Variants in ZFAND3 observed in about 807,000 individuals in gnomAD.
The protein encoded by ZFAND3 is zinc finger AN1-type containing 3, also known as AN1-type zinc finger protein 3.
ZFAND3 carries 10 observed loss-of-function variants against 29.6 expected under a neutral mutation model. The ratio of observed to expected loss-of-function variants is 0.34; its 90% CI spans 0.21 to 0.57. The LOEUF is 0.57. Ranked by LOEUF, ZFAND3 falls within the 20% of genes least tolerant of loss-of-function variation. The pLI, the probability that ZFAND3 is intolerant of heterozygous loss-of-function variation, is 0.86. For synonymous variants in ZFAND3, 128 were observed against 112.6 expected (o/e 1.14, Z -0.87); for missense variants, 230 against 304.5 (o/e 0.76, Z 1.82).
intron 5 of ZFAND3, among the ~76,000 whole-genome samples, chr6:38,137,105 T>C (rs759896353): frequency 3.3e-5 from 5 of 152,250 alleles, no homozygotes; most frequent in Non-Finnish European, 7.3e-5. Context: ...TTTGTAATTA[T>C]GAGCAACAGC....
chr6:38,122,206 A>G (rs1362317691), intron 5 of ZFAND3, among the ~76,000 whole-genome samples: 4 of 152,178 alleles, frequency 2.6e-5, no homozygotes, highest in Non-Finnish European at 5.9e-5. Flanking sequence ...AAGGATGCCT[A>G]AGTCCCTGAT....
intron 1 of ZFAND3, among the ~76,000 whole-genome samples, chr6:37,883,616 C>A (rs1764936667): frequency 7.0e-6 from 1 of 143,324 alleles, no homozygotes; most frequent in Admixed American, 6.7e-5. Flanking sequence ...AATCTTGGCT[C>A]ACTGCAACCT....
chr6:38,012,648 A>G (rs1020300734), intron 2 of ZFAND3, among the ~76,000 whole-genome samples: 3 of 152,186 alleles, frequency 2.0e-5, no homozygotes, highest in African/African-American at 7.2e-5. Flanking sequence ...AAGTGCTGCA[A>G]TTACAGGTGT....
chr6:38,116,392 A>T (rs1765418002), intron 4 of ZFAND3, among the ~76,000 whole-genome samples, 180 bp from the exon 5 acceptor site: 1 of 152,230 alleles, frequency 6.6e-6, no homozygotes, highest in Non-Finnish European at 1.5e-5. Flanking sequence ...TCAGCACTAA[A>T]GGTACACGTT....
chr6:38,070,951 T>C (rs919625177), intron 3 of ZFAND3, among the ~76,000 whole-genome samples: 5 of 151,942 alleles, frequency 3.3e-5, no homozygotes, highest in Non-Finnish European at 5.9e-5. Flanking sequence ...TTCAGCATTG[T>C]TTTATGTGTT....
intron 5 of ZFAND3, among the ~76,000 whole-genome samples, chr6:38,146,499 C>T (rs1391011077): frequency 2.0e-5 from 3 of 152,200 alleles, no homozygotes; most frequent in Non-Finnish European, 4.4e-5. Flanking sequence ...AGCAAAGGGA[C>T]GCCCACACAA....
intron 4 of ZFAND3, among the ~76,000 whole-genome samples, chr6:38,101,042 T>C (rs933700683): frequency 3.9e-5 from 6 of 152,226 alleles, no homozygotes; most frequent in Admixed American, 1.3e-4. Context: ...ATATAACATA[T>C]AGTTGAGTTT....
rs114799662 is a variant in ZFAND3, at chr6:38,089,664, C to T, written c.361+7207C>T. ...GGTGTTGGTATTAAATCAGAAGTGG[C>T]CCCGTAAATCTTGGTAATACCTACA... On this transcript the variant is annotated intron_variant, in intron 4 of 5. Coordinates refer to ENST00000287218, the MANE Select transcript of ZFAND3 (RefSeq NM_021943.3). 5.7e-3 allele frequency among the ~76,000 whole-genome samples: 868 copies of T among 152,254 alleles called. 7 individuals are homozygous for T. Among genetic ancestry groups the T allele is most frequent in the African/African-American group, 0.02 (832 of 41,538 alleles).
At chr6:37,920,575 A>C (rs1292506709) in intron 1 of ZFAND3, among the ~76,000 whole-genome samples, 2 of 152,216 alleles carry the variant, frequency 1.3e-5, no homozygotes, top group Non-Finnish European at 2.9e-5. Context: ...ATTTGGGCAT[A>C]AAATGCTAAA....
intron 1 of ZFAND3, among the ~76,000 whole-genome samples, chr6:37,896,554 C>CTTTCTTTCTTTCTTTCTTTCT (rs1554153843): frequency 0.046 from 6,289 of 137,706 alleles, 242 homozygotes; most frequent in African/African-American, 0.085. Context: ...TTCTTTCTTT[C>CTTTCTTTCTTTCTTTCTTTCT]TTTCTTTCTT....
intron 4 of ZFAND3, among the ~76,000 whole-genome samples, chr6:38,100,132 C>T (rs1044567095): frequency 1.3e-5 from 2 of 151,964 alleles, no homozygotes; most frequent in Non-Finnish European, 2.9e-5. Flanking sequence ...GGCATGACCT[C>T]GGCTCACTGC....
intron 4 of ZFAND3, among the ~76,000 whole-genome samples, chr6:38,094,975 TG>T (rs973147360): frequency 3.3e-5 from 5 of 152,232 alleles, no homozygotes; most frequent in Non-Finnish European, 7.3e-5. Flanking sequence ...TGTAGCATTT[TG>T]GATTTCAGAT....
At chr6:38,126,782 C>A (rs1765642431) in intron 5 of ZFAND3, among the ~76,000 whole-genome samples, 3 of 151,784 alleles carry the variant, frequency 2.0e-5, no homozygotes, top group African/African-American at 2.4e-5. Context: ...TATTGTAACT[C>A]ATCAATATGA....
intron 2 of ZFAND3, among the ~76,000 whole-genome samples, chr6:38,012,143 G>A (rs1257711439): frequency 6.6e-6 from 1 of 152,092 alleles, no homozygotes; most frequent in South Asian, 2.1e-4. Context: ...TGTATGCTGT[G>A]TAATGTAAGC....
At chr6:38,041,686 TC>T (rs1763774453) in intron 2 of ZFAND3, among the ~76,000 whole-genome samples, 2 of 21,708 alleles carry the variant, frequency 9.2e-5, no homozygotes, top group Non-Finnish European at 1.6e-4. Context: ...CTTCTTCTTC[TC>T]CTTCTCCTTC....
chr6:38,150,365 A>G (rs1018614515), intron 5 of ZFAND3, among the ~76,000 whole-genome samples: 2 of 152,208 alleles, frequency 1.3e-5, no homozygotes, highest in East Asian at 1.9e-4. Flanking sequence ...TCCTCACACA[A>G]TGGATGGCCC....
At chr6:38,114,947 G>C (rs1185128429) in intron 4 of ZFAND3, among the ~76,000 whole-genome samples, 1 of 152,200 alleles carries the variant, frequency 6.6e-6, no homozygotes, top group African/African-American at 2.4e-5. Flanking sequence ...AAAGATAAGT[G>C]CTGTGGAGGA....
chr6:38,033,568 T>A (rs6925788), intron 2 of ZFAND3, among the ~76,000 whole-genome samples: 2,174 of 152,308 alleles, frequency 0.014, 44 homozygotes, highest in African/African-American at 0.048. Context: ...TTTAAAGCAG[T>A]AATTCAGCTG....
intron 1 of ZFAND3, among the ~76,000 whole-genome samples, chr6:37,926,708 T>G (rs1357365448): frequency 6.6e-6 from 1 of 152,166 alleles, no homozygotes; most frequent in Non-Finnish European, 1.5e-5. Context: ...GTGGTACCCA[T>G]TGGAGAGCTC....
Sources: gnomAD v4.1 joint callset for allele counts (sites outside exome capture counted in the v4.1 genomes callset) on GRCh38, gnomAD v4.1.1 for gene constraint, MANE v1.5 for transcripts, NCBI Gene and HGNC (gene_info 2026-07-23, HGNC 2026-07-21) for gene names.